The following ALPL variants were observed in gnomAD, a reference collection of about 807,000 sequenced individuals.
ALPL encodes the protein alkaline phosphatase, biomineralization associated.
Under a neutral mutation model 51.3 loss-of-function variants are expected in ALPL, and 42 were observed. That is an observed-to-expected ratio of 0.82 (90% CI 0.64 to 1.06). The LOEUF (loss-of-function observed/expected upper bound fraction) is 1.06. Among genes scored for constraint, ALPL ranks in the 50% least tolerant of loss-of-function variants. The pLI is 0.00. For synonymous variants in ALPL, 279 were observed against 296.4 expected, an observed-to-expected ratio of 0.94 and a Z score of 0.60; for missense variants, 589 against 709.4, an observed-to-expected ratio of 0.83 and a Z score of 1.93.
At chr1:21,567,008 G>A (rs1405055460) in intron 6 of ALPL, among the ~76,000 whole-genome samples, 1 of 152,160 alleles carries the variant, frequency 6.6e-6, no homozygotes, top group Non-Finnish European at 1.5e-5. Context: ...AAAGCTCACG[G>A]CCATGACCAT....
At chr1:21,519,239 A>G (rs1043043480) in intron 1 of ALPL, among the ~76,000 whole-genome samples, 4 of 152,214 alleles carry the variant, frequency 2.6e-5, no homozygotes, top group African/African-American at 9.6e-5. Flanking sequence ...ACATGGGCAC[A>G]GCTCTGTGCC....
intron 2 of ALPL, among the ~76,000 whole-genome samples, chr1:21,555,464 T>C (rs1416576198): frequency 1.3e-5 from 2 of 152,216 alleles, no homozygotes; most frequent in African/African-American, 4.8e-5. Flanking sequence ...TTGCCCAGGA[T>C]GGAGTGCAGT....
At chr1:21,529,633 G>T (rs1644002104) in intron 1 of ALPL, among the ~76,000 whole-genome samples, 2 of 152,278 alleles carry the variant, frequency 1.3e-5, no homozygotes, top group Admixed American at 6.5e-5. Flanking sequence ...TTCTACTTAT[G>T]TGTTTGTTAT....
At chr1:21,518,188 T>C (rs1172732796) in intron 1 of ALPL, among the ~76,000 whole-genome samples, 1 of 152,054 alleles carries the variant, frequency 6.6e-6, no homozygotes, top group Non-Finnish European at 1.5e-5. Flanking sequence ...GCCTCATCAC[T>C]GTCTAGGCTT....
intron 1 of ALPL, among the ~76,000 whole-genome samples, chr1:21,549,652 A>G (rs1442697213): frequency 6.6e-6 from 1 of 151,806 alleles, no homozygotes; most frequent in African/African-American, 2.4e-5. Context: ...TTTTGTAGAG[A>G]GAGTTTCACC....
At chr1:21,558,758 C>T (rs866645244) in intron 2 of ALPL, among the ~76,000 whole-genome samples, 29 of 152,160 alleles carry the variant, frequency 1.9e-4, no homozygotes, top group African/African-American at 6.7e-4. Flanking sequence ...GGGGAGGCCT[C>T]TTGGGGAGGG....
chr1:21,526,736 T>A lies in ALPL; in HGVS notation c.-105+17219T>A, dbSNP rs541999854. ...ATGAATTATTTAAATGTTTGCATGT[T>A]CCTGAAAAGAAAGTGTGTTTATGTA... On this transcript the variant is annotated intron_variant, in intron 1 of 11. Coordinates refer to ENST00000374840, the MANE Select transcript of ALPL (RefSeq NM_000478.6). Among the ~76,000 whole-genome samples the A allele has an allele frequency of 4.6e-5, 7 of 152,344 alleles. No individual in the cohort carries two copies. In the South Asian group the frequency reaches 1.2e-3, roughly 27 times the overall value.
intron 8 of ALPL, 66 bp from the exon 9 acceptor site, chr1:21,573,599 T>A (rs1644682060): frequency 6.3e-7 from 1 of 1,597,526 alleles, no homozygotes; most frequent in Non-Finnish European, 8.5e-7. Flanking sequence ...CACCCCAGCT[T>A]CCTTGGAGTC....
intron 1 of ALPL, among the ~76,000 whole-genome samples, chr1:21,553,036 T>G (rs888674773): frequency 2.7e-5 from 4 of 150,352 alleles, no homozygotes; most frequent in African/African-American, 9.8e-5. Flanking sequence ...ATGCCATTAA[T>G]ACATGCTTGT....
intron 1 of ALPL, among the ~76,000 whole-genome samples, chr1:21,537,921 C>T (rs753842331): frequency 8.5e-5 from 13 of 152,198 alleles, no homozygotes; most frequent in Non-Finnish European, 1.8e-4. Flanking sequence ...CCCTCTTCCT[C>T]TTTGGGTCCT....
At chr1:21,535,081 G>C (rs1295118665) in intron 1 of ALPL, among the ~76,000 whole-genome samples, 1 of 152,216 alleles carries the variant, frequency 6.6e-6, no homozygotes, top group African/African-American at 2.4e-5. Flanking sequence ...GCATATTGTG[G>C]CTGCTCAATA....
chr1:21,515,817 A>G (rs767550074), intron 1 of ALPL, among the ~76,000 whole-genome samples: 12 of 151,810 alleles, frequency 7.9e-5, no homozygotes, highest in Non-Finnish European at 1.3e-4. Flanking sequence ...GCTGTCACTG[A>G]AGTGTCTCAG....
chr1:21,576,721 G>A (rs1644743023), intron 11 of ALPL, 80 bp downstream of exon 11: 1 of 1,587,488 alleles, frequency 6.3e-7, no homozygotes, highest in Non-Finnish European at 8.6e-7. Context: ...GTCAGCTTGT[G>A]GTCAAGGTCA....
chr1:21,511,379 G>GT (rs1643684186), intron 1 of ALPL, among the ~76,000 whole-genome samples: 2 of 152,234 alleles, frequency 1.3e-5, no homozygotes, highest in South Asian at 4.1e-4. Context: ...CCCATAAGCT[G>GT]TGGAGATCAA....
At chr1:21,536,740 C>G (rs1303578088) in intron 1 of ALPL, among the ~76,000 whole-genome samples, 1 of 151,928 alleles carries the variant, frequency 6.6e-6, no homozygotes, top group African/African-American at 2.4e-5. Flanking sequence ...GGGTCACTTC[C>G]CAAGGAAACT....
In ALPL at chr1:21,576,178, A is replaced by G. The variant is rs1291340662; in HGVS notation, c.1189+254A>G. 5.3e-5 allele frequency among the ~76,000 whole-genome samples: 8 copies of G among 151,902 alleles called. No individual in the cohort carries two copies. In the South Asian group the frequency reaches 1.5e-3, roughly 28 times the overall value. On this transcript the variant is annotated intron_variant, in intron 10 of 11. Transcript: ENST00000374840. Reference sequence around the variant, plus strand: ...ACCATGGCTGGGCGAGAACGTGGATAGATGAATGAGAGAGGATGGCTGGCT... The same window carrying G: ...ACCATGGCTGGGCGAGAACGTGGATGGATGAATGAGAGAGGATGGCTGGCT...
In ALPL at chr1:21,577,791, G is replaced by A. The variant is rs766588843; in HGVS notation, c.*143G>A. On this transcript the variant is annotated 3_prime_UTR_variant, in exon 12 of 12. Transcript: ENST00000374840. ...GGGACCCAAGAAACCAAAGTCTGCC[G>A]CCCACCTCGCTCCCCTCTGGAATCT... 1.2e-5 allele frequency: 13 copies of A among 1,103,118 alleles called. No homozygotes were observed. Among genetic ancestry groups the A allele is most frequent in the Admixed American group, 2.6e-5 (1 of 38,518 alleles). The allele number at this position is 1,103,118 out of a possible 1,614,324, so 68.3% of individuals were successfully genotyped here.
Position 21,564,004 on chromosome 1 carries a change from T to C in ALPL, c.473-37T>C, listed in dbSNP as rs1380490677. 5.6e-6 allele frequency: 9 copies of C among 1,610,292 alleles called. No homozygotes were observed. The highest frequency in any genetic ancestry group is 7.6e-6 in the Non-Finnish European group (9 of 1,179,758). ...AGGAGGCCTCTGGGACACCCCGATC[T>C]GTGGATAAAGCCAAACCCGCCCCTC... is the stretch of plus-strand genomic sequence containing the variant. On this transcript the variant is annotated intron_variant, in intron 5 of 11. Transcript: ENST00000374840. This position sits in a 1 kb window ranked among gnomAD's most constrained non-coding sequence, Gnocchi z 5.8.
intron 11 of ALPL, among the ~76,000 whole-genome samples, 172 bp downstream of exon 11, chr1:21,576,813 AT>A (rs1349088561): frequency 6.6e-6 from 1 of 152,008 alleles, no homozygotes; most frequent in Non-Finnish European, 1.5e-5. Flanking sequence ...CTCAGTTTGA[AT>A]CGCCTTCTAC....
Sources: allele counts gnomAD v4.1 joint callset (sites outside exome capture counted in the v4.1 genomes callset), GRCh38; gene constraint gnomAD v4.1.1; non-coding constraint Gnocchi (gnomAD v3.1); transcripts MANE v1.5; gene names NCBI Gene and HGNC (gene_info 2026-07-23, HGNC 2026-07-21).